SEMA5A: variants seen among roughly 807,000 people sequenced by gnomAD.
The protein encoded by SEMA5A is semaphorin 5A, also known as semaphorin-5A.
In SEMA5A, 55 loss-of-function variants were observed where a neutral mutation model predicts 135.5. The ratio of observed to expected loss-of-function variants is 0.41; its 90% CI spans 0.33 to 0.51. The LOEUF (loss-of-function observed/expected upper bound fraction) is 0.51. Ranked by LOEUF, SEMA5A falls within the 20% of genes least tolerant of loss-of-function variation. The pLI is 0.37. For synonymous variants in SEMA5A, 580 were observed against 546.5 expected, an observed-to-expected ratio of 1.06 and a Z score of -0.85; for missense variants, 1,290 against 1,419.9, an observed-to-expected ratio of 0.91 and a Z score of 1.47.
intron 3 of SEMA5A, among the ~76,000 whole-genome samples, chr5:9,342,357 CT>C (rs1753689491): frequency 6.6e-6 from 1 of 152,186 alleles, no homozygotes; most frequent in Non-Finnish European, 1.5e-5. Flanking sequence ...TTAGCAAACA[CT>C]GACCAGGGAA....
chr5:9,258,966 G>A (rs1300789888), intron 5 of SEMA5A, among the ~76,000 whole-genome samples: 2 of 151,738 alleles, frequency 1.3e-5, no homozygotes, highest in Non-Finnish European at 2.9e-5. Context: ...GCAACCACAG[G>A]GGCCTGCCAC....
chr5:9,374,293 CTGCCTAGCCAGG>C (rs1054755819), intron 3 of SEMA5A, among the ~76,000 whole-genome samples: 28 of 152,322 alleles, frequency 1.8e-4, no homozygotes, highest in South Asian at 1.0e-3. Context: ...CCAGCATCTT[CTGCCTAGCCAGG>C]TAAATCAGAT....
chr5:9,292,448 G>A (rs1301248086), intron 5 of SEMA5A, among the ~76,000 whole-genome samples: 1 of 152,102 alleles, frequency 6.6e-6, no homozygotes, highest in Non-Finnish European at 1.5e-5. Context: ...GTAAGTTGAG[G>A]CAGTGGCTAC....
chr5:9,332,365 T>C (rs555920038), intron 4 of SEMA5A, among the ~76,000 whole-genome samples: 1 of 151,310 alleles, frequency 6.6e-6, no homozygotes, highest in African/African-American at 2.4e-5. Flanking sequence ...GGGTCAGATG[T>C]GCAATGCATG....
chr5:9,178,331 C>CTTTTTTTT (rs5865809), intron 11 of SEMA5A, among the ~76,000 whole-genome samples: 9 of 123,600 alleles, frequency 7.3e-5, no homozygotes, highest in Non-Finnish European at 1.2e-4. Flanking sequence ...TTTTTCTCTC[C>CTTTTTTTT]TTTTTTTTTT....
intron 4 of SEMA5A, among the ~76,000 whole-genome samples, chr5:9,325,287 A>G (rs1346776690): frequency 6.6e-6 from 1 of 151,436 alleles, no homozygotes; most frequent in African/African-American, 2.4e-5. Context: ...GACATTGCAC[A>G]TTCACGTGCA....
chr5:9,354,044 T>G (rs1461124548), intron 3 of SEMA5A, among the ~76,000 whole-genome samples: 2 of 151,964 alleles, frequency 1.3e-5, no homozygotes, highest in Non-Finnish European at 2.9e-5. Context: ...AGAGGTGGAT[T>G]TCTGCCACGG....
intron 8 of SEMA5A, among the ~76,000 whole-genome samples, chr5:9,214,762 T>C (rs1432627730): frequency 6.6e-6 from 1 of 152,220 alleles, no homozygotes; most frequent in Non-Finnish European, 1.5e-5. Flanking sequence ...GTGCTCCTCT[T>C]AGGCTAGACT....
intron 8 of SEMA5A, among the ~76,000 whole-genome samples, chr5:9,207,673 T>A (rs1457812352): frequency 1.3e-5 from 2 of 152,204 alleles, no homozygotes; most frequent in African/African-American, 4.8e-5. Context: ...ATTGTTTCCA[T>A]TGTCACAGTT....
intron 16 of SEMA5A, among the ~76,000 whole-genome samples, chr5:9,085,894 T>G (rs969107066): frequency 2.2e-4 from 33 of 152,192 alleles, no homozygotes; most frequent in Middle Eastern, 3.4e-3. Context: ...AGCCACAGAG[T>G]TGGAGCTGCC....
chr5:9,335,003 G>T (rs1753319711), intron 4 of SEMA5A, among the ~76,000 whole-genome samples: 1 of 152,092 alleles, frequency 6.6e-6, no homozygotes, highest in Non-Finnish European at 1.5e-5. Flanking sequence ...TCTGGGATGA[G>T]GACTCCAGGG....
chr5:9,084,373 T>C (rs1358476495), intron 16 of SEMA5A, among the ~76,000 whole-genome samples: 4 of 152,210 alleles, frequency 2.6e-5, no homozygotes, highest in African/African-American at 9.6e-5. Flanking sequence ...TCCCTCCTGA[T>C]ATGGTTTGGC....
chr5:9,289,167 T>A (rs1167028878), intron 5 of SEMA5A, among the ~76,000 whole-genome samples: 1 of 152,186 alleles, frequency 6.6e-6, no homozygotes, highest in East Asian at 1.9e-4. Flanking sequence ...TATAAACACA[T>A]ACAGCTGTGC....
At chr5:9,200,645 T>C (rs1745654403) in intron 9 of SEMA5A, among the ~76,000 whole-genome samples, 1 of 152,228 alleles carries the variant, frequency 6.6e-6, no homozygotes, top group Non-Finnish European at 1.5e-5. Flanking sequence ...GAGCCATCCA[T>C]ACTAGCCTTA....
chr5:9,062,835 C>A, intron 18 of SEMA5A, 52 bp downstream of exon 18: 1 of 1,585,402 alleles, frequency 6.3e-7, no homozygotes, highest in Non-Finnish European at 8.7e-7. Flanking sequence ...TTAGAAGACT[C>A]TCCAAGGCCC....
At position 9,172,597 on chromosome 5, in the gene SEMA5A, G is replaced by A. The variant is rs78676578; in HGVS notation, c.1273+17670C>T. 3.5e-3 allele frequency among the ~76,000 whole-genome samples: 540 copies of A among 152,146 alleles called. 1 individual carries two copies. Among genetic ancestry groups the A allele is most frequent in the African/African-American group, 0.012 (495 of 41,510 alleles). ...AATTAATTACTAAATTTTTATCATT[G>A]TCACAAACACATGAAAATTGAAGCC... On this transcript the variant is annotated intron_variant, in intron 11 of 22. Coordinates refer to ENST00000382496, the MANE Select transcript of SEMA5A (RefSeq NM_003966.3).
intron 16 of SEMA5A, among the ~76,000 whole-genome samples, chr5:9,078,803 C>A (rs1167744782): frequency 9.9e-5 from 15 of 151,940 alleles, no homozygotes; most frequent in Non-Finnish European, 2.9e-5. Context: ...TAGGGTAAAG[C>A]CATACTCATG....
intron 3 of SEMA5A, among the ~76,000 whole-genome samples, chr5:9,339,474 C>T (rs999985180): frequency 2.0e-5 from 3 of 152,198 alleles, no homozygotes; most frequent in African/African-American, 4.8e-5. Context: ...ATGGCTCTTG[C>T]GTCTGCATTG....
intron 11 of SEMA5A, among the ~76,000 whole-genome samples, chr5:9,169,754 C>T (rs1282766748): frequency 6.6e-6 from 1 of 152,172 alleles, no homozygotes; most frequent in Non-Finnish European, 1.5e-5. Context: ...GGCCTCCAGG[C>T]TGCTCAGGTC....
Sources: gnomAD v4.1 joint callset for allele counts (sites outside exome capture counted in the v4.1 genomes callset) on GRCh38, gnomAD v4.1.1 for gene constraint, MANE v1.5 for transcripts, NCBI Gene and HGNC (gene_info 2026-07-23, HGNC 2026-07-21) for gene names.